The following USP34 variants were observed in gnomAD, a reference collection of about 807,000 sequenced individuals.
The protein encoded by USP34 is ubiquitin carboxyl-terminal hydrolase 34.
Under a neutral mutation model 460.3 loss-of-function variants are expected in USP34, and 70 were observed. The ratio of observed to expected loss-of-function variants is 0.15; its 90% CI spans 0.13 to 0.19. USP34 has a LOEUF of 0.19. USP34 is among the 10% of genes least tolerant of loss of function. The probability of loss-of-function intolerance (pLI) is 1.00; values close to 1 mark genes in which losing one functional copy is unlikely to be tolerated. For missense variants in USP34, 3,985 were observed against 4,236.2 expected, an observed-to-expected ratio of 0.94 and a Z score of 1.65; for synonymous variants, 1,647 against 1,405.3, an observed-to-expected ratio of 1.17 and a Z score of -3.85.
chr2:61,427,475 C>A (rs1026114741), intron 1 of USP34, among the ~76,000 whole-genome samples: 3 of 152,228 alleles, frequency 2.0e-5, no homozygotes, highest in African/African-American at 7.2e-5. Flanking sequence ...AACATGACCT[C>A]ACCAAATGAA....
chr2:61,234,851 G>A (rs2103841594), intron 57 of USP34, among the ~76,000 whole-genome samples: 1 of 152,174 alleles, frequency 6.6e-6, no homozygotes, highest in African/African-American at 2.4e-5. Context: ...GGCCGGGCTG[G>A]TCTTGAACTC....
At position 61,395,022 on chromosome 2, in the gene USP34, A is replaced by T. The variant is rs1218358863; in HGVS notation, c.604-20T>A. On this transcript the variant is annotated intron_variant, in intron 4 of 79. Coordinates refer to ENST00000398571, the MANE Select transcript of USP34 (RefSeq NM_014709.4). ...TACATCCTGGGAAAATAAAGAAAAC[A>T]TGTCATTATTTGAAAACGTACAAAT... The T allele has an allele frequency of 2.6e-6, 4 of 1,562,558 alleles. No homozygotes were observed. Among genetic ancestry groups the T allele is most frequent in the Non-Finnish European group, 3.4e-6 (4 of 1,162,246 alleles).
chr2:61,383,185 C>G (rs1693026453), intron 6 of USP34, 84 bp downstream of exon 6: 10 of 1,033,122 alleles, frequency 9.7e-6, no homozygotes, highest in Non-Finnish European at 1.4e-5. Context: ...CTATAGGGGA[C>G]TTTCAAACAA....
chr2:61,389,166 TG>T (rs2103887076), intron 5 of USP34, among the ~76,000 whole-genome samples: 1 of 152,248 alleles, frequency 6.6e-6, no homozygotes, highest in Non-Finnish European at 1.5e-5. Context: ...GGATGAATTG[TG>T]TTTATTTTTA....
At chr2:61,431,080 C>T (rs960460461) in intron 1 of USP34, among the ~76,000 whole-genome samples, 1 of 152,014 alleles carries the variant, frequency 6.6e-6, no homozygotes, top group South Asian at 2.1e-4. Flanking sequence ...CAACTAGACA[C>T]TGGAAAGGTT....
chr2:61,369,681 ATAAT>A (rs1692552436), intron 10 of USP34, among the ~76,000 whole-genome samples: 1 of 151,000 alleles, frequency 6.6e-6, no homozygotes, highest in Non-Finnish European at 1.5e-5. Context: ...GAGGGAAAAA[ATAAT>A]TAAACACTAT....
Position 61,223,657 on chromosome 2 carries a change from G to A in USP34, c.7596-361C>T, listed in dbSNP as rs1687652593. The A allele has an allele frequency of 1.5e-5, 3 of 194,606 alleles. No individual in the cohort carries two copies. The Admixed American group carries it at 1.7e-4, about 11-fold the overall frequency. 12.1% of individuals were successfully genotyped at this position (194,606 alleles called of 1,614,324 possible). A position where few individuals can be genotyped will look rare whatever the true frequency, so the allele number is the denominator to read the frequency against. On this transcript the variant is annotated intron_variant, in intron 62 of 79. Coordinates refer to ENST00000398571, the MANE Select transcript of USP34 (RefSeq NM_014709.4). ...TTTCATCTCCCAGTTTAAAATTACT[G>A]TATATTTCTTCCTTTTTTTCTTTCC...
intron 21 of USP34, among the ~76,000 whole-genome samples, chr2:61,324,255 T>C (rs188235698): frequency 5.9e-5 from 9 of 152,320 alleles, no homozygotes; most frequent in African/African-American, 2.2e-4. Flanking sequence ...CCACATGGAT[T>C]TGGATATGGT....
rs1373463419 is a variant in USP34, at chr2:61,355,811, AAGAC to A, written c.1252-5122_1252-5119del. The stretch of plus-strand genomic sequence containing the variant: ...GGTTTAACTCTCCAATCAAAAGAAA[AAGAC>A]AGAATTGGTATTTTTTTAAAACTTG... On this transcript the variant is annotated intron_variant, in intron 10 of 79. Coordinates refer to ENST00000398571, the MANE Select transcript of USP34 (RefSeq NM_014709.4). Among the ~76,000 whole-genome samples the A allele has an allele frequency of 4.6e-5, 7 of 152,176 alleles. No homozygotes were observed. In the East Asian group the frequency reaches 1.3e-3, roughly 29 times the overall value.
chr2:61,269,006 A>AT (rs35440896), intron 41 of USP34, among the ~76,000 whole-genome samples: 63,291 of 152,060 alleles, frequency 0.42, 13,802 homozygotes, highest in South Asian at 0.7. Context: ...CACAGGAAAT[A>AT]TTTTATTAAC....
intron 2 of USP34, chr2:61,416,997 A>T: frequency 7.6e-7 from 1 of 1,323,392 alleles, no homozygotes. Flanking sequence ...ATTCATCGGC[A>T]TTGAACTTGG....
chr2:61,438,416 C>G (rs1461446153), intron 1 of USP34, among the ~76,000 whole-genome samples: 1 of 152,136 alleles, frequency 6.6e-6, no homozygotes, highest in East Asian at 1.9e-4. Context: ...AGTTCGAGAC[C>G]AGCCTGGCCA....
chr2:61,260,267 T>C (rs1688839154), intron 43 of USP34, among the ~76,000 whole-genome samples: 1 of 152,228 alleles, frequency 6.6e-6, no homozygotes, highest in African/African-American at 2.4e-5. Flanking sequence ...AATATTCAAC[T>C]ATCAATAAGT....
rs11889932 is a variant in USP34 at position 61,443,864 on chromosome 2, T to G, written c.44-23031A>C. Among the ~76,000 whole-genome samples the G allele has an allele frequency of 6.3e-3, 955 of 152,300 alleles. 9 individuals are homozygous for G. Among genetic ancestry groups the G allele is most frequent in the African/African-American group, 0.022 (909 of 41,552 alleles). ...CAAGTGTAACAAATGTACCACTCAC[T>G]CTGGTGTCAGATGTTGATAATGGAG... On this transcript the variant is annotated intron_variant, in intron 1 of 79. Coordinates refer to ENST00000398571, the MANE Select transcript of USP34 (RefSeq NM_014709.4).
chr2:61,265,950 T>C lies in USP34; in HGVS notation c.5617+34A>G, dbSNP rs780711086. ...CAAAATCTTATTTCTGAATTCAAAATCTATAAAGATTAAAGGAAAAGAAGA... is the reference window on the plus strand; with the variant it reads ...CAAAATCTTATTTCTGAATTCAAAACCTATAAAGATTAAAGGAAAAGAAGA... On this transcript the variant is annotated intron_variant, in intron 42 of 79. Coordinates refer to ENST00000398571, the MANE Select transcript of USP34 (RefSeq NM_014709.4). The C allele has an allele frequency of 2.0e-6, 3 of 1,502,264 alleles. 1 individual carries two copies. The South Asian group carries it at 4.2e-5, about 21-fold the overall frequency. The allele number at this position is 1,502,264 out of a possible 1,614,324, so 93.1% of individuals were successfully genotyped here. A position where few individuals can be genotyped will look rare whatever the true frequency, so the allele number is the denominator to read the frequency against.
chr2:61,194,231 G>A, intron 75 of USP34: 1 of 985,364 alleles, frequency 1.0e-6, no homozygotes, highest in Non-Finnish European at 1.2e-6. Context: ...AGTCCCTTTA[G>A]ACACAAGAGG....
chr2:61,344,362 T>C (rs142445807), intron 15 of USP34, among the ~76,000 whole-genome samples: 299 of 152,292 alleles, frequency 2.0e-3, no homozygotes, highest in African/African-American at 6.9e-3. Context: ...CCATAAAAAG[T>C]GTGGTTTTTT....
chr2:61,260,271 A>C (rs1688839489), intron 43 of USP34, among the ~76,000 whole-genome samples: 1 of 152,222 alleles, frequency 6.6e-6, no homozygotes, highest in South Asian at 2.1e-4. Context: ...TTCAACTATC[A>C]ATAAGTCAAA....
At chr2:61,265,246 G>T (rs1044426332) in intron 43 of USP34, 151 bp downstream of exon 43, 6 of 816,040 alleles carry the variant, frequency 7.4e-6, no homozygotes, top group Non-Finnish European at 1.1e-5. Flanking sequence ...GTATAACTAT[G>T]TAAAATACAC....
Sources: allele counts gnomAD v4.1 joint callset (sites outside exome capture counted in the v4.1 genomes callset), GRCh38; gene constraint gnomAD v4.1.1; transcripts MANE v1.5; gene names NCBI Gene and HGNC (gene_info 2026-07-23, HGNC 2026-07-21).